The following GYPB variants were observed in gnomAD, a reference collection of about 807,000 sequenced individuals.
GYPB encodes the protein glycophorin B (MNS blood group), also known as glycophorin-B.
GYPB carries 13 observed loss-of-function variants against 15.3 expected under a neutral mutation model. That is an observed-to-expected ratio of 0.85 (90% confidence interval 0.55 to 1.35). The LOEUF is 1.35. Ranked by LOEUF, GYPB falls within the 40% of genes most tolerant of loss-of-function variation. The probability of loss-of-function intolerance (pLI) is 0.00; values close to 1 mark genes in which losing one functional copy is unlikely to be tolerated. For synonymous variants in GYPB, 38 were observed against 36.9 expected, an observed-to-expected ratio of 1.03 and a Z score of -0.11; for missense variants, 131 against 108.3, an observed-to-expected ratio of 1.21 and a Z score of -0.93.
chr4:144,008,851 G>C (rs574253192), intron 1 of GYPB, among the ~76,000 whole-genome samples: 6 of 151,574 alleles, frequency 4.0e-5, no homozygotes, highest in Non-Finnish European at 8.8e-5. Context: ...CCAGGCATTG[G>C]ATTCTGATGT....
chr4:143,997,464 C>T, intron 4 of GYPB, 76 bp downstream of exon 4: 1 of 812,840 alleles, frequency 1.2e-6, no homozygotes, highest in East Asian at 2.5e-5. Context: ...CTGAGTTTAA[C>T]TGAACTCAGA....
intron 2 of GYPB, among the ~76,000 whole-genome samples, chr4:144,000,827 G>C (rs932010456): frequency 6.6e-6 from 1 of 151,216 alleles, no homozygotes. Flanking sequence ...CCCTGGGTCA[G>C]CAGCTGGGAT....
intron 1 of GYPB, among the ~76,000 whole-genome samples, chr4:144,010,621 T>C (rs190143709): frequency 6.6e-6 from 1 of 151,528 alleles, no homozygotes; most frequent in East Asian, 1.9e-4. Context: ...TATGTCTCAA[T>C]AATACTTGAT....
chr4:144,016,679 C>T, intron 1 of GYPB: 1 of 340,008 alleles, frequency 2.9e-6, no homozygotes, highest in Non-Finnish European at 5.8e-6. Flanking sequence ...TTTGGAGACT[C>T]CTGGTTTATG....
chr4:144,018,156 G>T (rs1454219063), intron 1 of GYPB, among the ~76,000 whole-genome samples: 1 of 151,150 alleles, frequency 6.6e-6, no homozygotes, highest in Non-Finnish European at 1.5e-5. Flanking sequence ...TAAATATTTT[G>T]TTTAATCTTT....
chr4:144,005,816 T>A (rs1366945818), intron 1 of GYPB, among the ~76,000 whole-genome samples: 1 of 151,638 alleles, frequency 6.6e-6, no homozygotes, highest in East Asian at 1.9e-4. Context: ...CCTTACCCCA[T>A]GCCTACTTGC....
chr4:144,016,793 C>A lies in GYPB; in HGVS notation c.37+2458G>T, dbSNP rs755488317. The stretch of plus-strand genomic sequence containing the variant: ...AAGCTCCAGCTTTTCCTTGAAAACA[C>A]TAACTTACCTCCTGTTTCAGAATTT... On this transcript the variant is annotated intron_variant, in intron 1 of 4. Transcript: ENST00000502664. 7.0e-6 allele frequency: 3 copies of A among 430,078 alleles called. 1 individual carries two copies. Among genetic ancestry groups the A allele is most frequent in the South Asian group, 5.2e-5 (3 of 58,150 alleles). The allele number at this position is 430,078 out of a possible 1,614,324, so 26.6% of individuals were successfully genotyped here. A position where few individuals can be genotyped will look rare whatever the true frequency, so the allele number is the denominator to read the frequency against.
chr4:144,005,439 G>A (rs1336876431), intron 1 of GYPB, among the ~76,000 whole-genome samples: 4 of 151,936 alleles, frequency 2.6e-5, no homozygotes, highest in African/African-American at 9.7e-5. Context: ...CATCCTAAAA[G>A]CTAGAATTTT....
intron 4 of GYPB, 172 bp downstream of exon 4, chr4:143,997,368 C>CAAA (rs5862679): frequency 0.016 from 6,673 of 429,882 alleles, 2 homozygotes; most frequent in East Asian, 0.038. Context: ...TGGGCAAATG[C>CAAA]AAAAAAAAAA....
rs996951702 is a variant in GYPB at position 143,996,596 on chromosome 4, C to T, written c.271-292G>A. Reference sequence around the variant, plus strand: ...CCTGGCCAACACAGCGAAACCCCATCTCTGCTATTAAAAAAATACAAAAAT... The same window carrying T: ...CCTGGCCAACACAGCGAAACCCCATTTCTGCTATTAAAAAAATACAAAAAT... On this transcript the variant is annotated intron_variant, in intron 4 of 4. Transcript: ENST00000502664. Among the ~76,000 whole-genome samples, 3 of 150,698 alleles carry T rather than the reference C, an allele frequency of 2.0e-5. 1 individual carries two copies. The highest frequency in any genetic ancestry group is 7.5e-5 in the African/African-American group (3 of 40,118).
chr4:144,001,479 G>T (rs1335798110), intron 1 of GYPB, among the ~76,000 whole-genome samples, 196 bp from the exon 2 acceptor site: 1 of 151,438 alleles, frequency 6.6e-6, no homozygotes, highest in Non-Finnish European at 1.5e-5. Context: ...AAATTAAGGG[G>T]CCAGAAGCCC....
chr4:143,998,731 TA>T (rs1380128432), intron 3 of GYPB, among the ~76,000 whole-genome samples: 2 of 139,550 alleles, frequency 1.4e-5, no homozygotes, highest in African/African-American at 5.6e-5. Context: ...TAGATGATTT[TA>T]AATGCCTTGC....
chr4:143,998,451 T>C (rs898516274), intron 3 of GYPB, among the ~76,000 whole-genome samples: 6 of 150,994 alleles, frequency 4.0e-5, no homozygotes, highest in African/African-American at 1.5e-4. Context: ...CTCTTGCTGG[T>C]GTTGCCCAGC....
chr4:144,010,913 G>T (rs1029458790), intron 1 of GYPB, among the ~76,000 whole-genome samples: 1 of 151,324 alleles, frequency 6.6e-6, no homozygotes, highest in African/African-American at 2.5e-5. Context: ...CACATGAAAG[G>T]ATAAGGGCAA....
chr4:144,013,970 C>A (rs545468082), intron 1 of GYPB, among the ~76,000 whole-genome samples: 1 of 151,420 alleles, frequency 6.6e-6, no homozygotes, highest in East Asian at 1.9e-4. Flanking sequence ...CAAAGATATG[C>A]AAAATGCAGT....
At chr4:144,016,291 G>A (rs1163122258) in intron 1 of GYPB, among the ~76,000 whole-genome samples, 20 of 150,454 alleles carry the variant, frequency 1.3e-4, no homozygotes, top group African/African-American at 4.7e-4. Flanking sequence ...TGTCTAACCA[G>A]ATGAAAACAA....
At chr4:144,013,400 C>T (rs1033534343) in intron 1 of GYPB, among the ~76,000 whole-genome samples, 1 of 151,098 alleles carries the variant, frequency 6.6e-6, no homozygotes, top group African/African-American at 2.5e-5. Flanking sequence ...ACCATTTGAC[C>T]CAGCCATCCA....
intron 3 of GYPB, 153 bp downstream of exon 3, chr4:143,999,258 G>A: frequency 1.8e-6 from 1 of 571,096 alleles, no homozygotes; most frequent in Non-Finnish European, 3.1e-6. Context: ...TTTAAAAAGA[G>A]AATATTTTCT....
intron 1 of GYPB, among the ~76,000 whole-genome samples, chr4:144,006,166 C>T (rs1459806478): frequency 6.6e-6 from 1 of 151,974 alleles, no homozygotes; most frequent in East Asian, 1.9e-4. Flanking sequence ...ATCTGTGTGA[C>T]CTGAATTGAA....
Sources: gnomAD v4.1 joint callset for allele counts (sites outside exome capture counted in the v4.1 genomes callset) on GRCh38, gnomAD v4.1.1 for gene constraint, MANE v1.5 for transcripts, NCBI Gene and HGNC (gene_info 2026-07-23, HGNC 2026-07-21) for gene names.